Variants in TET3 observed in about 807,000 individuals in gnomAD.
The protein encoded by TET3 is tet methylcytosine dioxygenase 3.
TET3 carries 19 observed loss-of-function variants against 141.4 expected under a neutral mutation model. That is an observed-to-expected ratio of 0.13 (90% CI 0.09 to 0.20). The LOEUF (loss-of-function observed/expected upper bound fraction) is 0.20, where lower values mean the gene tolerates loss of function less well. Among genes scored for constraint, TET3 ranks in the 10% least tolerant of loss-of-function variants. TET3 has a pLI of 1.00. For synonymous variants in TET3, 1,043 were observed against 980.9 expected (o/e 1.06, Z -1.18); for missense variants, 1,874 against 2,356.9 (o/e 0.80, Z 4.24).
At position 74,101,144 on chromosome 2, in the gene TET3, G is replaced by A. The variant is rs1390436543; in HGVS notation, c.4356G>A (p.Val1452=). 10 of 1,613,838 alleles carry A rather than the reference G, an allele frequency of 6.2e-6. No individual in the cohort carries two copies. Among genetic ancestry groups the A allele is most frequent in the Non-Finnish European group, 8.5e-6 (10 of 1,179,850 alleles). ...PSMSPKRTNG[V]GGSWGVFSSG... ...TGTCCCCCAAGAGGACTAACGGTGT[G>A]GGTGGCAGCTGGGGTGTGTTCTCGT... The change falls in exon 12 of 12, where the codon GTG becomes GTA. Residue 1452 remains valine, a synonymous_variant. Coordinates refer to ENST00000409262, the MANE Select transcript of TET3 (RefSeq NM_001287491.2). This position sits in a 1 kb window ranked among gnomAD's most constrained non-coding sequence, Gnocchi z 8.5.
Position 74,105,052 on chromosome 2 carries a change from G to C in TET3, c.*2876G>C, listed in dbSNP as rs527886320. 7.5e-6 allele frequency: 3 copies of C among 397,602 alleles called. No individual in the cohort carries two copies. The highest frequency in any genetic ancestry group is 8.8e-6 in the Non-Finnish European group (2 of 226,030). 24.6% of individuals were successfully genotyped at this position (397,602 alleles called of 1,614,324 possible). ...ATGCACAGCTCTTTATCCCCCCCTTGCTGCTGAAGCTTTCTTAAAGAGAAA... is the reference window on the plus strand; with the variant it reads ...ATGCACAGCTCTTTATCCCCCCCTTCCTGCTGAAGCTTTCTTAAAGAGAAA... On this transcript the variant is annotated 3_prime_UTR_variant, in exon 12 of 12. Coordinates refer to ENST00000409262, the MANE Select transcript of TET3 (RefSeq NM_001287491.2).
chr2:74,128,175 T>A, the TET3 span, among the ~76,000 whole-genome samples: 5,366 of 152,224 alleles, frequency 0.035, 311 homozygotes, highest in African/African-American at 0.12. Flanking sequence ...TGTCCATAAC[T>A]CAAGGCATTT....
At chr2:74,083,698 G>GT (rs1037325028) in intron 6 of TET3, among the ~76,000 whole-genome samples, 1 of 152,116 alleles carries the variant, frequency 6.6e-6, no homozygotes, top group Non-Finnish European at 1.5e-5. Flanking sequence ...TGTTTTCTTA[G>GT]TTTTTTTAGT....
the TET3 span, chr2:74,122,471 G>C: frequency 2.4e-5 from 3 of 126,662 alleles, no homozygotes; most frequent in African/African-American, 8.6e-5. Flanking sequence ...GTGTGTGTGT[G>C]TGTATATATA....
At chr2:74,126,754 C>T in the TET3 span, among the ~76,000 whole-genome samples, 415 of 152,224 alleles carry the variant, frequency 2.7e-3, no homozygotes, top group Non-Finnish European at 4.4e-3. Context: ...CCACCTGCCT[C>T]GGCCTCCCAA....
chr2:74,041,068 C>G (rs1485932662), intron 3 of TET3, among the ~76,000 whole-genome samples: 2 of 152,154 alleles, frequency 1.3e-5, no homozygotes, highest in African/African-American at 2.4e-5. Flanking sequence ...CGATAATTGC[C>G]AAATAGCTGC....
In TET3 at chr2:74,047,578, C is replaced by T. The variant is rs1215310263; in HGVS notation, c.1661C>T (p.Pro554Leu). ...ACCTCCTTCCCTGCTCCTTCAGAGC[C>T]TTCTGCTCCTGGCTGGTGGCCCCCA... ...HDTSFPAPSE[P>L]SAPGWWPPPS... Residue 554 changes from proline to leucine, a missense_variant, in exon 4 of 12, where the codon CCT (proline) becomes CTT (leucine). Physicochemically the swap from Pro to Leu is moderately conservative, Grantham distance 98 (BLOSUM62 -3). Transcript: ENST00000409262. The T allele has an allele frequency of 6.2e-7, 1 of 1,613,994 alleles. No individual in the cohort carries two copies. Among genetic ancestry groups the T allele is most frequent in the South Asian group, 1.1e-5 (1 of 91,078 alleles).
rs887562925 is a variant in TET3, at chr2:74,103,505, A to G, written c.*1329A>G. The G allele has an allele frequency of 6.6e-6, 1 of 152,204 alleles. No homozygotes were observed. Among genetic ancestry groups the G allele is most frequent in the African/African-American group, 2.4e-5 (1 of 41,456 alleles). 9.4% of individuals were successfully genotyped at this position (152,204 alleles called of 1,614,324 possible). ...AGTGCAAGAGTCAAACATTTTCAAC[A>G]GGTTGCTATAATTTTCCTCCCTAAT... On this transcript the variant is annotated 3_prime_UTR_variant, in exon 12 of 12. Coordinates refer to ENST00000409262, the MANE Select transcript of TET3 (RefSeq NM_001287491.2).
At chr2:74,011,092 G>T (rs930077325) in intron 3 of TET3, among the ~76,000 whole-genome samples, 1 of 151,960 alleles carries the variant, frequency 6.6e-6, no homozygotes, top group Non-Finnish European at 1.5e-5. Context: ...TCTGGGTGCG[G>T]TGGTGGGTGC....
intron 4 of TET3, among the ~76,000 whole-genome samples, chr2:74,067,020 C>G (rs953013381): frequency 6.6e-6 from 1 of 152,064 alleles, no homozygotes; most frequent in South Asian, 2.1e-4. Flanking sequence ...TTCTGTATAC[C>G]GTGTGGTCTC....
intron 3 of TET3, among the ~76,000 whole-genome samples, chr2:74,038,988 G>T (rs899862526): frequency 6.6e-6 from 1 of 152,166 alleles, no homozygotes; most frequent in Non-Finnish European, 1.5e-5. Context: ...GTCTGCTAGT[G>T]CCTTAGTTCA....
At chr2:74,061,704 G>A (rs1398968838) in intron 4 of TET3, among the ~76,000 whole-genome samples, 1 of 146,706 alleles carries the variant, frequency 6.8e-6, no homozygotes, top group Non-Finnish European at 1.5e-5. Context: ...TCTCAGACGG[G>A]GCAGCTGCCG....
At chr2:73,992,568 C>G (rs1684387257) in intron 2 of TET3, among the ~76,000 whole-genome samples, 1 of 152,106 alleles carries the variant, frequency 6.6e-6, no homozygotes, top group South Asian at 2.1e-4. Context: ...CCCACCTTGG[C>G]CTCCGAAAGT....
At position 74,007,631 on chromosome 2, in the gene TET3, G is replaced by T. The variant is rs985084824; in HGVS notation, c.360+4465G>T. ...TGAGAGGAGGAGGGTGAGAAGTGCA[G>T]TTGTTAGTTTCCTTCCACTCTGTTT... is the stretch of plus-strand genomic sequence containing the variant. On this transcript the variant is annotated intron_variant, in intron 3 of 11. Coordinates refer to ENST00000409262, the MANE Select transcript of TET3 (RefSeq NM_001287491.2). 2.6e-5 allele frequency among the ~76,000 whole-genome samples: 4 copies of T among 152,170 alleles called. No individual in the cohort carries two copies. In the East Asian group the frequency reaches 7.7e-4, roughly 29 times the overall value.
At chr2:74,086,264 C>T (rs920811189) in intron 6 of TET3, among the ~76,000 whole-genome samples, 2 of 152,214 alleles carry the variant, frequency 1.3e-5, no homozygotes, top group African/African-American at 2.4e-5. Flanking sequence ...AGCTCCCAGG[C>T]CTCTTGGCCC....
At chr2:74,062,128 A>C (rs1033788870) in intron 4 of TET3, among the ~76,000 whole-genome samples, 40 of 152,210 alleles carry the variant, frequency 2.6e-4, no homozygotes, top group Non-Finnish European at 5.0e-4. Flanking sequence ...CAGCCTGGGC[A>C]CCATTGAGCA....
At chr2:73,988,061 T>G (rs1419862354) in intron 2 of TET3, among the ~76,000 whole-genome samples, 2 of 152,208 alleles carry the variant, frequency 1.3e-5, no homozygotes, top group Admixed American at 6.5e-5. Flanking sequence ...GGGCCCTGTT[T>G]CCCTTGTTTC....
chr2:74,044,787 A>G (rs553048461), intron 3 of TET3, among the ~76,000 whole-genome samples: 1 of 152,258 alleles, frequency 6.6e-6, no homozygotes, highest in African/African-American at 2.4e-5. Flanking sequence ...CTGTCCCTTT[A>G]CTCCTAAATA....
At chr2:74,109,965 A>T (rs1443095556), downstream of TET3, among the ~76,000 whole-genome samples, 1 of 152,222 alleles carries the variant, frequency 6.6e-6, no homozygotes, top group African/African-American at 2.4e-5. Flanking sequence ...TGAGGGTTTC[A>T]TCTCCCTGTG....
Sources: gnomAD v4.1 joint callset for allele counts (sites outside exome capture counted in the v4.1 genomes callset) on GRCh38, gnomAD v4.1.1 for gene constraint, Gnocchi (gnomAD v3.1) non-coding constraint, MANE v1.5 for transcripts, NCBI Gene and HGNC (gene_info 2026-07-23, HGNC 2026-07-21) for gene names.